Variants in CD44 observed in about 807,000 individuals in gnomAD.
CD44 encodes CD44 molecule (IN blood group).
A neutral mutation model predicts 88.8 loss-of-function variants in CD44; 49 were observed. That is an observed-to-expected ratio of 0.55 (90% CI 0.44 to 0.70). The LOEUF is 0.70. CD44 is among the 30% of genes least tolerant of loss of function. CD44 has a pLI of 0.00. For synonymous variants in CD44, 325 were observed against 312.3 expected (o/e 1.04, Z -0.43); for missense variants, 883 against 913.8 (o/e 0.97, Z 0.43).
chr11:35,152,811 C>T (rs558674986), intron 1 of CD44, among the ~76,000 whole-genome samples: 1 of 152,278 alleles, frequency 6.6e-6, no homozygotes, highest in South Asian at 2.1e-4. Flanking sequence ...ATTCAGCCTG[C>T]CCTTGCTCTC....
At chr11:35,189,434 G>C (rs929257190) in intron 4 of CD44, among the ~76,000 whole-genome samples, 2 of 152,232 alleles carry the variant, frequency 1.3e-5, no homozygotes, top group Non-Finnish European at 2.9e-5. Context: ...TACTTCAGAA[G>C]GGAGAGTAGG....
chr11:35,193,102 T>C (rs765144164), intron 5 of CD44, among the ~76,000 whole-genome samples: 13 of 152,264 alleles, frequency 8.5e-5, no homozygotes, highest in Admixed American at 2.0e-4. Flanking sequence ...TGGGTAAAAT[T>C]GGCTCCTATT....
intron 12 of CD44, 41 bp downstream of exon 12, chr11:35,208,247 C>A: frequency 7.8e-7 from 1 of 1,285,098 alleles, no homozygotes; most frequent in Non-Finnish European, 1.1e-6. Context: ...GACTTGTATT[C>A]CTGCTTCATC....
At chr11:35,139,743 G>A in intron 1 of CD44, 2 of 506,178 alleles carry the variant, frequency 4.0e-6, no homozygotes, top group Non-Finnish European at 7.7e-6. Flanking sequence ...GCCCCACCGG[G>A]CTGTGTCTAG....
chr11:35,161,194 CAG>C (rs1053601361), intron 1 of CD44, among the ~76,000 whole-genome samples: 7 of 152,154 alleles, frequency 4.6e-5, no homozygotes, highest in African/African-American at 1.7e-4. Context: ...AGGCTCTTTG[CAG>C]AGAGTCAGGT....
intron 1 of CD44, among the ~76,000 whole-genome samples, chr11:35,173,121 C>CT (rs1301347318): frequency 1.3e-5 from 2 of 152,226 alleles, no homozygotes; most frequent in Admixed American, 1.3e-4. Flanking sequence ...AAGAAAGAAA[C>CT]TACCATTGAG....
At position 35,229,156 on chromosome 11, in the gene CD44, C is replaced by T; in HGVS notation, c.2052C>T (p.Ile684=). The T allele has an allele frequency of 6.2e-7, 1 of 1,613,932 alleles. No homozygotes were observed. The highest frequency in any genetic ancestry group is 2.2e-5 in the East Asian group (1 of 44,870). Residue 684 remains isoleucine (I), a synonymous_variant, in exon 18 of 18, where the codon ATC becomes ATT. Transcript: ENST00000428726. The stretch of plus-strand genomic sequence containing the variant: ...GTGGGCAGAAGAAAAAGCTAGTGAT[C>T]AACAGTGGCAATGGAGCTGTGGAGG... The part of the protein sequence containing the change: ...RRCGQKKKLV[I]NSGNGAVEDR...
chr11:35,190,139 C>T (rs1312317351), intron 5 of CD44, 74 bp downstream of exon 5: 4 of 1,259,248 alleles, frequency 3.2e-6, no homozygotes, highest in African/African-American at 1.5e-5. Flanking sequence ...CTGAGCATTG[C>T]ACACTCACGT....
chr11:35,161,490 G>A (rs1421648182), intron 1 of CD44, among the ~76,000 whole-genome samples: 1 of 152,178 alleles, frequency 6.6e-6, no homozygotes, highest in African/African-American at 2.4e-5. Flanking sequence ...TGGCATAGAT[G>A]TCAGGGGGTC....
intron 11 of CD44, among the ~76,000 whole-genome samples, chr11:35,207,183 G>T (rs1947950651): frequency 6.6e-6 from 1 of 152,174 alleles, no homozygotes; most frequent in South Asian, 2.1e-4. Context: ...CCACATTTTT[G>T]TCCTACAAAG....
chr11:35,195,353 G>T (rs17375044), intron 5 of CD44, among the ~76,000 whole-genome samples: 1 of 151,722 alleles, frequency 6.6e-6, no homozygotes, highest in Non-Finnish European at 1.5e-5. Flanking sequence ...ATAAATAATC[G>T]TGAGGAAAAT....
chr11:35,232,033 T>C lies in CD44; in HGVS notation c.*2700T>C, dbSNP rs1296785939. 1 of 152,222 alleles carries C rather than the reference T, an allele frequency of 6.6e-6. No homozygotes were observed. The highest frequency in any genetic ancestry group is 1.5e-5 in the Non-Finnish European group (1 of 68,026). The allele number at this position is 152,222 out of a possible 1,614,324, so 9.4% of individuals were successfully genotyped here. ...TCATAACAACACCAAGAATTGATTT[T>C]GTAGCCAACATTCATTCAATACTGT... On this transcript the variant is annotated 3_prime_UTR_variant, in exon 18 of 18. Transcript: ENST00000428726.
intron 13 of CD44, 175 bp downstream of exon 13, chr11:35,210,229 C>T (rs898841939): frequency 9.4e-5 from 42 of 448,784 alleles, no homozygotes; most frequent in Admixed American, 7.1e-4. Context: ...TATACCTCTT[C>T]GTACATTAAG....
chr11:35,175,683 A>C (rs1944379183), intron 1 of CD44, among the ~76,000 whole-genome samples: 3 of 152,178 alleles, frequency 2.0e-5, no homozygotes, highest in African/African-American at 4.8e-5. Context: ...ATCAAAATTA[A>C]ATCATTTGCT....
At chr11:35,207,661 A>G (rs1245186882) in intron 11 of CD44, among the ~76,000 whole-genome samples, 2 of 152,210 alleles carry the variant, frequency 1.3e-5, no homozygotes, top group African/African-American at 4.8e-5. Context: ...TGTGAAGAAA[A>G]AAAGACTAAA....
chr11:35,179,085 T>C lies in CD44; in HGVS notation c.234-1189T>C, dbSNP rs367670492. Among the ~76,000 whole-genome samples the C allele has an allele frequency of 3.3e-3, 504 of 152,314 alleles. 2 individuals carry two copies. The highest frequency in any genetic ancestry group is 0.011 in the African/African-American group (477 of 41,560). ...AGGAGGCTTTGGGGAAACCAGTTTG[T>C]CTGTTCAGATGAGAAATTAGTCATG... is the stretch of plus-strand genomic sequence containing the variant. On this transcript the variant is annotated intron_variant, in intron 2 of 17. Transcript: ENST00000428726.
chr11:35,196,811 T>A lies in CD44; in HGVS notation c.733T>A (p.Phe245Ile). ...ATKRQETWDWFSWLFLPSESK... is the reference protein window; with the variant it reads ...ATKRQETWDWISWLFLPSESK... ...CAAGAGGCAAGAAACCTGGGATTGG[T>A]TTTCATGGTTGTTTCTACCATCAGA... is the stretch of plus-strand genomic sequence containing the variant. Residue 245 changes from phenylalanine to isoleucine, a missense_variant, in exon 6 of 18, where the codon TTT becomes ATT. Transcript: ENST00000428726. The A allele has an allele frequency of 6.2e-7, 1 of 1,613,764 alleles. No individual in the cohort carries two copies. The highest frequency in any genetic ancestry group is 8.5e-7 in the Non-Finnish European group (1 of 1,179,756).
chr11:35,179,388 A>C (rs766089354), intron 2 of CD44, among the ~76,000 whole-genome samples: 22 of 152,334 alleles, frequency 1.4e-4, no homozygotes, highest in Non-Finnish European at 2.5e-4. Flanking sequence ...ATTCAAAAAA[A>C]ATTGTGTTTT....
chr11:35,188,515 C>T (rs970471989), intron 4 of CD44, among the ~76,000 whole-genome samples: 4 of 152,186 alleles, frequency 2.6e-5, no homozygotes, highest in African/African-American at 9.7e-5. Context: ...CTTTGATGCC[C>T]ACAGTTCTCT....
Sources: allele counts gnomAD v4.1 joint callset (sites outside exome capture counted in the v4.1 genomes callset), GRCh38; gene constraint gnomAD v4.1.1; transcripts MANE v1.5; gene names NCBI Gene and HGNC (gene_info 2026-07-23, HGNC 2026-07-21).